ARHGAP10: variants seen among roughly 807,000 people sequenced by gnomAD.
The protein encoded by ARHGAP10 is rho GTPase-activating protein 10.
A neutral mutation model predicts 108.6 loss-of-function variants in ARHGAP10; 87 were observed. The ratio of observed to expected loss-of-function variants is 0.80; its 90% confidence interval spans 0.67 to 0.96. The LOEUF (loss-of-function observed/expected upper bound fraction) is 0.96, where lower values mean the gene tolerates loss of function less well. ARHGAP10 is among the 40% of genes least tolerant of loss of function. ARHGAP10 has a pLI of 0.00. For synonymous variants in ARHGAP10, 347 were observed against 341.1 expected, an observed-to-expected ratio of 1.02 and a Z score of -0.19; for missense variants, 939 against 954.5, an observed-to-expected ratio of 0.98 and a Z score of 0.21.
intron 19 of ARHGAP10, among the ~76,000 whole-genome samples, chr4:148,044,324 G>A (rs1301423020): frequency 2.6e-5 from 4 of 152,016 alleles, no homozygotes; most frequent in African/African-American, 7.2e-5. Flanking sequence ...GCTTCTCATT[G>A]ACAGGTTTCT....
At chr4:147,924,380 C>A (rs555354684) in intron 13 of ARHGAP10, among the ~76,000 whole-genome samples, 4 of 151,990 alleles carry the variant, frequency 2.6e-5, no homozygotes, top group African/African-American at 7.2e-5. Context: ...CTCTTTGTTA[C>A]CTATGGTTTT....
intron 16 of ARHGAP10, among the ~76,000 whole-genome samples, chr4:147,959,026 C>A (rs1224700640): frequency 6.6e-6 from 1 of 151,728 alleles, no homozygotes; most frequent in Non-Finnish European, 1.5e-5. Context: ...TTAAGGTAGG[C>A]TGTTCATTCT....
At chr4:147,816,517 G>A (rs1000244876) in intron 1 of ARHGAP10, among the ~76,000 whole-genome samples, 1 of 152,172 alleles carries the variant, frequency 6.6e-6, no homozygotes, top group South Asian at 2.1e-4. Context: ...AGGCAAGCTG[G>A]ACTCAGAGTT....
At chr4:148,036,864 C>A (rs1021071848) in intron 19 of ARHGAP10, among the ~76,000 whole-genome samples, 1 of 152,146 alleles carries the variant, frequency 6.6e-6, no homozygotes, top group African/African-American at 2.4e-5. Context: ...TAGATTACAA[C>A]TTCTAGGTAG....
rs115003253 is a variant in ARHGAP10, at chr4:148,059,746, C to T, written c.2028-3402C>T. 6.9e-3 allele frequency among the ~76,000 whole-genome samples: 1,047 copies of T among 152,256 alleles called. 10 individuals are homozygous for T. The highest frequency in any genetic ancestry group is 0.024 in the African/African-American group (1,017 of 41,548). ...CCTGCTTGCGAGCTACCAAATTAGC[C>T]TACCATCGTTTCCGGGATGCTGGCA... On this transcript the variant is annotated intron_variant, in intron 20 of 22. Transcript: ENST00000336498.
chr4:147,914,836 A>G (rs1249366243), intron 13 of ARHGAP10, among the ~76,000 whole-genome samples: 2 of 152,176 alleles, frequency 1.3e-5, no homozygotes, highest in African/African-American at 2.4e-5. Flanking sequence ...GCTGACCAAT[A>G]ACCCAAAACA....
chr4:147,906,699 G>A lies in ARHGAP10; in HGVS notation c.1096G>A (p.Ala366Thr), dbSNP rs148015211. The A allele has an allele frequency of 4.6e-5, 75 of 1,614,188 alleles. No homozygotes were observed. The African/African-American group carries it at 9.6e-4, about 21-fold the overall frequency. ...AGAGGAAAGGAAGCAGTGGTTGGAA[G>A]CTCTGGGTGGAAAGGAAGCTGTAAG... ...SEEERKQWLE[A>T]LGGKEALSHS... is the part of the protein sequence containing the mutation. Residue 366 changes from alanine (A) to threonine (T), a missense_variant, in exon 11 of 23, where the codon GCT becomes ACT. By Grantham distance (58) the Ala-to-Thr change is moderately conservative. Coordinates refer to ENST00000336498, the MANE Select transcript of ARHGAP10 (RefSeq NM_024605.4).
At chr4:147,915,466 G>A (rs1453788974) in intron 13 of ARHGAP10, among the ~76,000 whole-genome samples, 2 of 152,106 alleles carry the variant, frequency 1.3e-5, no homozygotes, top group Non-Finnish European at 2.9e-5. Context: ...TCCCAAAAGG[G>A]CATGTTTTAT....
chr4:147,969,307 GAGA>G (rs1212019301), intron 18 of ARHGAP10, among the ~76,000 whole-genome samples: 1 of 147,040 alleles, frequency 6.8e-6, no homozygotes, highest in African/African-American at 2.5e-5. Flanking sequence ...TTATGGATGT[GAGA>G]AGTTTTGTTT....
chr4:147,971,081 G>A (rs978840038), intron 18 of ARHGAP10, among the ~76,000 whole-genome samples: 7 of 135,382 alleles, frequency 5.2e-5, no homozygotes, highest in Admixed American at 8.0e-5. Flanking sequence ...TGACAAGAGC[G>A]AGACTCTGTC....
rs1469794870 is a variant in ARHGAP10 at position 147,793,320 on chromosome 4, A to ATAT, written c.155-29406_155-29405insATT. 5.5e-5 allele frequency among the ~76,000 whole-genome samples: 8 copies of ATAT among 145,348 alleles called. No individual in the cohort carries two copies. In the South Asian group the frequency reaches 1.5e-3, roughly 28 times the overall value. On this transcript the variant is annotated intron_variant, in intron 1 of 22. Transcript: ENST00000336498. Reference sequence around the variant, plus strand: ...ATAACACACACATATATATATATATATTTTTTTTTTTTTACAAATGTACAG... The same window carrying ATAT: ...ATAACACACACATATATATATATATATATTTTTTTTTTTTTTACAAATGTACAG...
At chr4:147,934,452 A>G (rs1359317311) in intron 13 of ARHGAP10, among the ~76,000 whole-genome samples, 1 of 152,158 alleles carries the variant, frequency 6.6e-6, no homozygotes, top group Non-Finnish European at 1.5e-5. Context: ...TGAGCAGGTT[A>G]CTTTCTGTGC....
At chr4:147,951,751 C>T (rs1738609611) in intron 15 of ARHGAP10, among the ~76,000 whole-genome samples, 2 of 152,058 alleles carry the variant, frequency 1.3e-5, no homozygotes, top group Admixed American at 6.6e-5. Context: ...CCATGCTTGA[C>T]CTATTTTTAT....
At chr4:147,910,554 A>C (rs1736690032) in intron 12 of ARHGAP10, among the ~76,000 whole-genome samples, 1 of 152,146 alleles carries the variant, frequency 6.6e-6, no homozygotes. Flanking sequence ...CAGATAGTTT[A>C]TCAGTGCACC....
At chr4:147,968,377 T>C (rs1430519999) in intron 18 of ARHGAP10, among the ~76,000 whole-genome samples, 2 of 152,226 alleles carry the variant, frequency 1.3e-5, no homozygotes, top group African/African-American at 4.8e-5. Flanking sequence ...ACACTTATTC[T>C]TTAGGGCAGT....
At chr4:148,013,264 G>A (rs1741232793) in intron 18 of ARHGAP10, among the ~76,000 whole-genome samples, 1 of 152,168 alleles carries the variant, frequency 6.6e-6, no homozygotes, top group Non-Finnish European at 1.5e-5. Context: ...AAATATGTAA[G>A]TCATTCCTGT....
chr4:147,819,952 G>A lies in ARHGAP10; in HGVS notation c.155-2775G>A, dbSNP rs575885506. ...CGCTTCAGGGAAATGAGGTTCCGGA[G>A]TGGGAAGATAGGTGACAATGCGCAA... is the stretch of plus-strand genomic sequence containing the variant. On this transcript the variant is annotated intron_variant, in intron 1 of 22. Coordinates refer to ENST00000336498, the MANE Select transcript of ARHGAP10 (RefSeq NM_024605.4). Among the ~76,000 whole-genome samples the A allele has an allele frequency of 2.0e-5, 3 of 152,362 alleles. No homozygotes were observed. In the South Asian group the frequency reaches 6.2e-4, roughly 32 times the overall value.
intron 1 of ARHGAP10, among the ~76,000 whole-genome samples, chr4:147,783,927 T>C (rs1342489385): frequency 7.8e-6 from 1 of 128,538 alleles, no homozygotes; most frequent in Non-Finnish European, 1.6e-5. Context: ...AAATTGTGTA[T>C]TATATTTATA....
intron 19 of ARHGAP10, among the ~76,000 whole-genome samples, chr4:148,025,041 C>T (rs897199650): frequency 6.6e-6 from 1 of 152,118 alleles, no homozygotes; most frequent in Non-Finnish European, 1.5e-5. Flanking sequence ...GCAATGGAAT[C>T]GTAATATCCA....
Sources: gnomAD v4.1 joint callset for allele counts (sites outside exome capture counted in the v4.1 genomes callset) on GRCh38, gnomAD v4.1.1 for gene constraint, MANE v1.5 for transcripts, NCBI Gene and HGNC (gene_info 2026-07-23, HGNC 2026-07-21) for gene names.